The following FAM149B1 variants were observed in gnomAD, a reference collection of about 807,000 sequenced individuals.
FAM149B1 encodes the protein family with sequence similarity 149 member B1, also known as primary cilium assembly protein FAM149B1.
FAM149B1 carries 56 observed loss-of-function variants against 75.3 expected under a neutral mutation model. The observed-to-expected ratio is 0.74, with a 90% CI of 0.60 to 0.93. The LOEUF (loss-of-function observed/expected upper bound fraction) is 0.93. Among genes scored for constraint, FAM149B1 ranks in the 40% least tolerant of loss-of-function variants. The pLI is 0.00. For missense variants in FAM149B1, 639 were observed against 708.4 expected, an observed-to-expected ratio of 0.90 and a Z score of 1.11; for synonymous variants, 259 against 256.1, an observed-to-expected ratio of 1.01 and a Z score of -0.11.
chr10:73,227,856 G>A (rs1046944377), intron 7 of FAM149B1, among the ~76,000 whole-genome samples: 8 of 152,182 alleles, frequency 5.3e-5, no homozygotes, highest in African/African-American at 1.4e-4. Context: ...GTACCAGTAG[G>A]CATCATCAGC....
intron 3 of FAM149B1, among the ~76,000 whole-genome samples, chr10:73,181,788 GTTTC>G (rs1169420274): frequency 6.6e-6 from 1 of 152,198 alleles, no homozygotes; most frequent in African/African-American, 2.4e-5. Flanking sequence ...TAAGTCTGAT[GTTTC>G]TTTGTTGATT....
chr10:73,175,644 T>C (rs1288202151), intron 2 of FAM149B1, among the ~76,000 whole-genome samples: 7 of 132,592 alleles, frequency 5.3e-5, no homozygotes, highest in African/African-American at 2.0e-4. Context: ...CACTCCAGCC[T>C]GGGCAACAGA....
intron 2 of FAM149B1, among the ~76,000 whole-genome samples, chr10:73,176,754 C>T (rs866333137): frequency 5.3e-5 from 8 of 151,826 alleles, no homozygotes; most frequent in South Asian, 2.1e-4. Flanking sequence ...AGGCTGGGCA[C>T]GGTGGCTCAT....
At chr10:73,170,411 T>C (rs181779930) in intron 1 of FAM149B1, among the ~76,000 whole-genome samples, 108 of 151,838 alleles carry the variant, frequency 7.1e-4, no homozygotes, top group African/African-American at 2.5e-3. Context: ...GGCCGAGGCA[T>C]GAGAATTGCT....
Position 73,174,667 on chromosome 10 carries a change from C to T in FAM149B1, c.48-20C>T. ...GTATTTTTTTATACAGGAAATATAA[C>T]TTTGTTTTGTCTTTCACAGGAAAGG... On this transcript the variant is annotated intron_variant, in intron 1 of 13. Coordinates refer to ENST00000242505, the MANE Select transcript of FAM149B1 (RefSeq NM_173348.2). 1.3e-6 allele frequency: 2 copies of T among 1,486,260 alleles called. No homozygotes were observed. The highest frequency in any genetic ancestry group is 2.4e-5 in the South Asian group (2 of 82,226). 92.1% of individuals were successfully genotyped at this position (1,486,260 alleles called of 1,614,324 possible). A position where few individuals can be genotyped will look rare whatever the true frequency, so the allele number is the denominator to read the frequency against.
chr10:73,227,995 T>C, intron 7 of FAM149B1, 65 bp from the exon 8 acceptor site: 1 of 1,480,870 alleles, frequency 6.8e-7, no homozygotes, highest in Non-Finnish European at 9.2e-7. Context: ...AGATCTTTTT[T>C]CACAATACTG....
intron 1 of FAM149B1, 61 bp downstream of exon 1, chr10:73,168,447 T>C (rs1843549269): frequency 3.9e-6 from 6 of 1,535,008 alleles, no homozygotes; most frequent in East Asian, 5.0e-5. Context: ...GGGACCCTCC[T>C]TGACCAGTCC....
At chr10:73,171,452 A>C (rs1265522934) in intron 1 of FAM149B1, among the ~76,000 whole-genome samples, 1 of 152,178 alleles carries the variant, frequency 6.6e-6, no homozygotes, top group Non-Finnish European at 1.5e-5. Context: ...TAAAAATTAT[A>C]ATTGTTGAAA....
intron 3 of FAM149B1, among the ~76,000 whole-genome samples, chr10:73,187,149 G>A (rs1302869046): frequency 6.6e-6 from 1 of 151,968 alleles, no homozygotes; most frequent in Non-Finnish European, 1.5e-5. Flanking sequence ...TTTAACAGAA[G>A]CAACACAAGA....
intron 3 of FAM149B1, chr10:73,183,614 G>A (rs1364284624): frequency 2.6e-5 from 4 of 152,168 alleles, no homozygotes; most frequent in African/African-American, 9.7e-5. Context: ...ATTATGAGGT[G>A]GGACTTTTAG....
At chr10:73,190,755 C>G (rs1399219195) in intron 3 of FAM149B1, among the ~76,000 whole-genome samples, 6 of 148,142 alleles carry the variant, frequency 4.1e-5, no homozygotes, top group Non-Finnish European at 8.9e-5. Flanking sequence ...TGAGGTCTCA[C>G]TTGGTTACCC....
intron 3 of FAM149B1, among the ~76,000 whole-genome samples, chr10:73,190,164 A>T: frequency 6.6e-6 from 1 of 152,204 alleles, no homozygotes; most frequent in East Asian, 1.9e-4. Context: ...TGGAGGATGG[A>T]TTAAGAAACT....
At chr10:73,177,737 G>A in intron 2 of FAM149B1, 109 bp from the exon 3 acceptor site, 1 of 951,532 alleles carries the variant, frequency 1.1e-6, no homozygotes, top group Non-Finnish European at 1.6e-6. Flanking sequence ...GGATATATTT[G>A]TACACATGTT....
intron 7 of FAM149B1, among the ~76,000 whole-genome samples, chr10:73,226,894 A>G (rs932287012): frequency 3.3e-5 from 5 of 152,154 alleles, no homozygotes; most frequent in Non-Finnish European, 5.9e-5. Flanking sequence ...CCCAACCTCT[A>G]TGTGAAGAGA....
At chr10:73,235,156 G>C in intron 11 of FAM149B1, 37 bp from the exon 12 acceptor site, 1 of 1,548,638 alleles carries the variant, frequency 6.5e-7, no homozygotes, top group Non-Finnish European at 8.7e-7. Context: ...ATTACAGATA[G>C]TTTTCACTGT....
chr10:73,240,450 T>A (rs7070446), intron 13 of FAM149B1, among the ~76,000 whole-genome samples: 3 of 152,024 alleles, frequency 2.0e-5, no homozygotes, highest in African/African-American at 7.2e-5. Context: ...TGGTGGCTCA[T>A]GCCTGTAATC....
intron 1 of FAM149B1, among the ~76,000 whole-genome samples, chr10:73,173,346 T>C (rs2133294620): frequency 6.6e-6 from 1 of 152,220 alleles, no homozygotes; most frequent in Non-Finnish European, 1.5e-5. Flanking sequence ...CATCCACTCC[T>C]GTGTGTGTGT....
At chr10:73,216,604 G>T (rs1474378516) in intron 7 of FAM149B1, among the ~76,000 whole-genome samples, 1 of 152,162 alleles carries the variant, frequency 6.6e-6, no homozygotes, top group Non-Finnish European at 1.5e-5. Context: ...AAGAAGATGT[G>T]AGGAGTACAG....
rs1480632118 is a variant in FAM149B1, at chr10:73,242,214, T to C, written c.*1195T>C. 2 of 152,234 alleles carry C rather than the reference T, an allele frequency of 1.3e-5. No homozygotes were observed. The highest frequency in any genetic ancestry group is 2.9e-5 in the Non-Finnish European group (2 of 68,026). The allele number at this position is 152,234 out of a possible 1,614,324, so 9.4% of individuals were successfully genotyped here. On this transcript the variant is annotated 3_prime_UTR_variant, in exon 14 of 14. Coordinates refer to ENST00000242505, the MANE Select transcript of FAM149B1 (RefSeq NM_173348.2). ...TCACAAACCGAAAACGTGTCGTCTT[T>C]ACCTTAGAGCTAAAGGCTTACTTTA...
Sources: gnomAD v4.1 joint callset for allele counts (sites outside exome capture counted in the v4.1 genomes callset) on GRCh38, gnomAD v4.1.1 for gene constraint, MANE v1.5 for transcripts, NCBI Gene and HGNC (gene_info 2026-07-23, HGNC 2026-07-21) for gene names.